Variants in GPC5 observed in about 807,000 individuals in gnomAD.
GPC5 encodes the protein glypican 5.
A neutral mutation model predicts 53.9 loss-of-function variants in GPC5; 47 were observed. The observed-to-expected ratio is 0.87, with a 90% CI of 0.69 to 1.11. The LOEUF (loss-of-function observed/expected upper bound fraction) is 1.11, where lower values mean the gene tolerates loss of function less well. Ranked by LOEUF, GPC5 falls within the 50% of genes most tolerant of loss-of-function variation. The pLI, the probability that GPC5 is intolerant of heterozygous loss-of-function variation, is 0.00. For synonymous variants in GPC5, 286 were observed against 263.3 expected (o/e 1.09, Z -0.84); for missense variants, 748 against 713.1 (o/e 1.05, Z -0.56).
chr13:91,487,927 AG>A (rs1883707688), intron 2 of GPC5, among the ~76,000 whole-genome samples: 1 of 52,716 alleles, frequency 1.9e-5, no homozygotes, highest in African/African-American at 5.5e-5. Context: ...ACATTTAAAC[AG>A]GTTTTTTTTT....
intron 2 of GPC5, among the ~76,000 whole-genome samples, chr13:91,502,403 T>G (rs547509321): frequency 6.6e-6 from 1 of 152,296 alleles, no homozygotes; most frequent in Non-Finnish European, 1.5e-5. Context: ...TTAATTAACT[T>G]TGGTTGTTTG....
chr13:92,203,548 T>A (rs2042310375), intron 7 of GPC5, among the ~76,000 whole-genome samples: 1 of 136,418 alleles, frequency 7.3e-6, no homozygotes, highest in Non-Finnish European at 1.6e-5. Context: ...GATGACACAT[T>A]AGTGGGTGCA....
At chr13:92,256,288 G>T (rs2042726062) in intron 7 of GPC5, among the ~76,000 whole-genome samples, 1 of 151,906 alleles carries the variant, frequency 6.6e-6, no homozygotes, top group Non-Finnish European at 1.5e-5. Flanking sequence ...ATAACTTATT[G>T]TATATACAGT....
intron 6 of GPC5, among the ~76,000 whole-genome samples, chr13:92,066,452 A>G (rs1410543062): frequency 6.6e-6 from 1 of 151,424 alleles, no homozygotes; most frequent in Non-Finnish European, 1.5e-5. Context: ...AAAAAGAAAA[A>G]AAACAGCCTG....
rs374052794 is a variant in GPC5, at chr13:92,681,237, A to G, written c.1562-185045A>G. On this transcript the variant is annotated intron_variant, in intron 7 of 7. Transcript: ENST00000377067. ...AAAATTAATTGTATTGAGGATTAAA[A>G]TATCATGTCTGGTATATCACAAGCT... Among the ~76,000 whole-genome samples, 51 of 152,250 alleles carry G rather than the reference A, an allele frequency of 3.3e-4. 1 individual carries two copies. The South Asian group carries it at 0.011, about 32-fold the overall frequency.
At chr13:92,384,539 A>C (rs2043776522) in intron 7 of GPC5, among the ~76,000 whole-genome samples, 1 of 152,166 alleles carries the variant, frequency 6.6e-6, no homozygotes, top group Non-Finnish European at 1.5e-5. Context: ...CTGAAACATA[A>C]ATATCTCAGT....
intron 7 of GPC5, among the ~76,000 whole-genome samples, chr13:92,757,011 C>G (rs1197901758): frequency 6.6e-6 from 1 of 151,854 alleles, no homozygotes; most frequent in African/African-American, 2.4e-5. Context: ...CAAAAAAGAG[C>G]CCGCATTGCC....
chr13:92,558,907 G>T (rs1882597206), intron 7 of GPC5, among the ~76,000 whole-genome samples: 1 of 151,984 alleles, frequency 6.6e-6, no homozygotes. Context: ...AAGTCAGCAT[G>T]GCGGAGTTGC....
chr13:91,689,212 TATATATATATATATA>T (rs2035695917), intron 2 of GPC5, among the ~76,000 whole-genome samples: 1 of 121,516 alleles, frequency 8.2e-6, no homozygotes, highest in African/African-American at 3.3e-5. Flanking sequence ...TATATATATA[TATATATATATATATA>T]TATACACATA....
At chr13:91,603,126 T>C (rs1594316954) in intron 2 of GPC5, among the ~76,000 whole-genome samples, 2 of 152,352 alleles carry the variant, frequency 1.3e-5, no homozygotes, top group South Asian at 4.1e-4. Flanking sequence ...GTCAGAGGAC[T>C]ATGACTGGCC....
At chr13:92,832,835 C>G (rs1357166866) in intron 7 of GPC5, among the ~76,000 whole-genome samples, 1 of 152,080 alleles carries the variant, frequency 6.6e-6, no homozygotes, top group Admixed American at 6.5e-5. Flanking sequence ...TGGTAAAACC[C>G]TGTCTCTAAT....
intron 6 of GPC5, among the ~76,000 whole-genome samples, chr13:91,964,272 C>T (rs867669887): frequency 6.6e-6 from 1 of 152,136 alleles, no homozygotes; most frequent in Non-Finnish European, 1.5e-5. Flanking sequence ...AACAAAGCCT[C>T]CAAAGGGTGG....
At chr13:92,336,545 T>G (rs900425900) in intron 7 of GPC5, among the ~76,000 whole-genome samples, 5 of 139,430 alleles carry the variant, frequency 3.6e-5, no homozygotes, top group Non-Finnish European at 7.9e-5. Flanking sequence ...GTCTTAGTAT[T>G]TGATGTTGTC....
At chr13:92,355,763 C>A (rs12146956) in intron 7 of GPC5, among the ~76,000 whole-genome samples, 17,717 of 152,022 alleles carry the variant, frequency 0.12, 1,131 homozygotes, top group Middle Eastern at 0.2. Flanking sequence ...AAGACCCATA[C>A]CCCAAATTTC....
intron 6 of GPC5, among the ~76,000 whole-genome samples, chr13:92,081,702 T>C (rs1450506752): frequency 6.6e-6 from 1 of 152,188 alleles, no homozygotes; most frequent in Non-Finnish European, 1.5e-5. Flanking sequence ...ATTCCCTTTG[T>C]TCCATATACC....
chr13:92,230,895 A>G (rs767453074), intron 7 of GPC5, among the ~76,000 whole-genome samples: 2 of 152,230 alleles, frequency 1.3e-5, no homozygotes. Context: ...TAATTACCAT[A>G]TAATTCATTA....
At chr13:92,346,326 C>T (rs900372233) in intron 7 of GPC5, among the ~76,000 whole-genome samples, 3 of 152,186 alleles carry the variant, frequency 2.0e-5, no homozygotes, top group Admixed American at 6.5e-5. Context: ...CCAGGAAATA[C>T]ATCTGCTTCC....
intron 7 of GPC5, among the ~76,000 whole-genome samples, chr13:92,159,593 CTTTTTT>C (rs71120074): frequency 0.023 from 1,334 of 57,140 alleles, 17 homozygotes; most frequent in African/African-American, 0.078. Flanking sequence ...TACCAATGTT[CTTTTTT>C]TTTTTTTTTT....
At chr13:91,498,578 A>G (rs1308130893) in intron 2 of GPC5, among the ~76,000 whole-genome samples, 1 of 152,142 alleles carries the variant, frequency 6.6e-6, no homozygotes, top group Non-Finnish European at 1.5e-5. Context: ...AGGTTGGGGA[A>G]TCTGGGAGAT....
Sources: allele counts gnomAD v4.1 joint callset (sites outside exome capture counted in the v4.1 genomes callset), GRCh38; gene constraint gnomAD v4.1.1; transcripts MANE v1.5; gene names NCBI Gene and HGNC (gene_info 2026-07-23, HGNC 2026-07-21).